The following INTS2 variants were observed in gnomAD, a reference collection of about 807,000 sequenced individuals.
The protein encoded by INTS2 is integrator complex subunit 2.
In INTS2, 57 loss-of-function variants were observed where a neutral mutation model predicts 139.6. The observed-to-expected ratio is 0.41, with a 90% CI of 0.33 to 0.51. The LOEUF is 0.51. Among genes scored for constraint, INTS2 ranks in the 20% least tolerant of loss-of-function variants. The pLI is 0.28. For missense variants in INTS2, 1,196 were observed against 1,436.7 expected (o/e 0.83, Z 2.71); for synonymous variants, 473 against 493.4 (o/e 0.96, Z 0.55).
In INTS2 at chr17:61,909,832, T is replaced by TAC. The variant is rs776580362; in HGVS notation, c.954+1687_954+1688insGT. Among the ~76,000 whole-genome samples, 499 of 87,230 alleles carry TAC rather than the reference T, an allele frequency of 5.7e-3. 3 individuals are homozygous for TAC. Among genetic ancestry groups the TAC allele is most frequent in the Middle Eastern group, 0.018 (3 of 164 alleles). 57.2% of individuals were successfully genotyped at this position (87,230 alleles called of 152,430 possible). ...GTGTGTACATGTGTGTATGTGTGTGTGTGTGTGTGTGTGTGTGTGTGTGTG... is the reference window on the plus strand; with the variant it reads ...GTGTGTACATGTGTGTATGTGTGTGTACGTGTGTGTGTGTGTGTGTGTGTGTG... On this transcript the variant is annotated intron_variant, in intron 7 of 24. Coordinates refer to ENST00000251334, the MANE Select transcript of INTS2 (RefSeq NM_001351695.2). The surrounding 1 kb of genome is among the most constrained non-coding windows in gnomAD (Gnocchi z 4.9).
chr17:61,886,732 T>C (rs1331750043), intron 15 of INTS2, among the ~76,000 whole-genome samples: 1 of 152,216 alleles, frequency 6.6e-6, no homozygotes, highest in Non-Finnish European at 1.5e-5. Context: ...CAGGAATATA[T>C]GAGAATCTCA....
intron 15 of INTS2, among the ~76,000 whole-genome samples, chr17:61,888,344 G>C (rs1441974232): frequency 6.6e-6 from 1 of 152,066 alleles, no homozygotes; most frequent in African/African-American, 2.4e-5. Flanking sequence ...CTCCAGCCTG[G>C]GTGACAGAGT....
At chr17:61,898,006 G>T (rs1013056669) in intron 9 of INTS2, among the ~76,000 whole-genome samples, 5 of 152,042 alleles carry the variant, frequency 3.3e-5, no homozygotes, top group Admixed American at 3.3e-4. Context: ...GAAAGAGTAA[G>T]ATTCTTCACA....
At chr17:61,908,996 T>C (rs928727789) in intron 7 of INTS2, among the ~76,000 whole-genome samples, 1 of 152,196 alleles carries the variant, frequency 6.6e-6, no homozygotes, top group Non-Finnish European at 1.5e-5. Context: ...ACATAGTTAA[T>C]ATAAATTAGT....
In INTS2 at chr17:61,869,336, T is replaced by C. The variant is rs756766570; in HGVS notation, c.3075A>G (p.Pro1025=). 5.6e-6 allele frequency: 9 copies of C among 1,607,968 alleles called. No homozygotes were observed. In the East Asian group the frequency reaches 1.6e-4, roughly 28 times the overall value. The change falls in exon 22 of 25, where the codon CCA becomes CCG. Residue 1025 remains proline, a synonymous_variant. Transcript: ENST00000251334. This position sits in a 1 kb window ranked among gnomAD's most constrained non-coding sequence, Gnocchi z 5.4. ...ELLPLTVAGI[P]SMHICLDFIP... ...TGAAATCTAGACAGATGTGCATAGA[T>C]GGAATACCTGCGACCGTCAGAGGCA... is the stretch of plus-strand genomic sequence containing the variant.
intron 8 of INTS2, 122 bp from the exon 9 acceptor site, chr17:61,904,707 C>T: frequency 2.4e-6 from 2 of 819,240 alleles, no homozygotes; most frequent in Non-Finnish European, 3.7e-6. Context: ...TTTATAAAAT[C>T]TTTAACATCT....
In INTS2 at chr17:61,867,288, A is replaced by T. The variant is rs183018768; in HGVS notation, c.*269T>A. ...AGGCCAAATTCCCTTTCCAATAATG[A>T]GTTTCTTACATGTGTTCCCAGTGGA... On this transcript the variant is annotated 3_prime_UTR_variant, in exon 25 of 25. Transcript: ENST00000251334. This position sits in a 1 kb window ranked among gnomAD's most constrained non-coding sequence, Gnocchi z 5.6. 9.0e-6 allele frequency: 2 copies of T among 221,308 alleles called. No homozygotes were observed. Among genetic ancestry groups the T allele is most frequent in the Admixed American group, 1.1e-4 (2 of 17,930 alleles). The allele number at this position is 221,308 out of a possible 1,614,324, so 13.7% of individuals were successfully genotyped here.
chr17:61,883,501 C>G (rs1444235629), intron 16 of INTS2, among the ~76,000 whole-genome samples: 1 of 151,806 alleles, frequency 6.6e-6, no homozygotes. Flanking sequence ...CGCCTGTAAT[C>G]CTAGCACTTT....
chr17:61,898,648 T>C (rs2079373833), intron 9 of INTS2, among the ~76,000 whole-genome samples: 1 of 149,918 alleles, frequency 6.7e-6, no homozygotes, highest in African/African-American at 2.5e-5. Context: ...AGTTTCACTC[T>C]CGTTGCTCAG....
At chr17:61,918,274 ACT>A (rs1426423197) in intron 5 of INTS2, among the ~76,000 whole-genome samples, 2 of 152,130 alleles carry the variant, frequency 1.3e-5, no homozygotes, top group Non-Finnish European at 2.9e-5. Flanking sequence ...ACAGAGTCTC[ACT>A]CTGTTGCCCA....
intron 14 of INTS2, 112 bp from the exon 15 acceptor site, chr17:61,890,006 C>G: frequency 1.5e-6 from 1 of 653,402 alleles, no homozygotes; most frequent in Non-Finnish European, 2.7e-6. Context: ...GCTCCTAACT[C>G]AGGTAAAACA....
intron 3 of INTS2, among the ~76,000 whole-genome samples, chr17:61,923,070 C>G (rs1021838667): frequency 6.6e-6 from 1 of 151,716 alleles, no homozygotes; most frequent in Non-Finnish European, 1.5e-5. Flanking sequence ...GAGCGAAACT[C>G]TGTCTCAAAA....
chr17:61,903,160 C>T (rs1353742000), intron 9 of INTS2, among the ~76,000 whole-genome samples: 2 of 144,078 alleles, frequency 1.4e-5, no homozygotes, highest in Non-Finnish European at 3.0e-5. Context: ...AAGCTAGACT[C>T]CGTCTCAAAA....
At position 61,866,101 on chromosome 17, in the gene INTS2, AC is replaced by A. The variant is rs1393203949; in HGVS notation, c.*1455del. ...GCGGTCTGGCCAGGTGCGGTGGCTC[AC>A]ACCTGTAATCCCAGCACTTTGGGAG... On this transcript the variant is annotated 3_prime_UTR_variant, in exon 25 of 25. Coordinates refer to ENST00000251334, the MANE Select transcript of INTS2 (RefSeq NM_001351695.2). The A allele has an allele frequency of 1.3e-5, 2 of 152,302 alleles. No individual in the cohort carries two copies. 9.4% of individuals were successfully genotyped at this position (152,302 alleles called of 1,614,324 possible).
chr17:61,922,824 T>A (rs938656288), intron 3 of INTS2, among the ~76,000 whole-genome samples: 1 of 152,000 alleles, frequency 6.6e-6, no homozygotes. Context: ...ATGCCTGTAA[T>A]CTCAGAACTT....
intron 15 of INTS2, among the ~76,000 whole-genome samples, chr17:61,888,277 G>A (rs1038855128): frequency 2.7e-5 from 4 of 149,240 alleles, no homozygotes; most frequent in African/African-American, 9.9e-5. Context: ...GGCTGAGGCA[G>A]GGATCCCTTG....
Position 61,881,076 on chromosome 17 carries a change from C to T in INTS2, c.2185G>A (p.Asp729Asn), listed in dbSNP as rs984555665. 1.2e-6 allele frequency: 2 copies of T among 1,613,638 alleles called. No homozygotes were observed. The highest frequency in any genetic ancestry group is 1.1e-5 in the South Asian group (1 of 91,084). ...WICEEEITGT[D>N]ALLRRMLLTN... is the part of the protein sequence containing the mutation. ...AGGAGCATTCGCCGTAGCAGGGCAT[C>T]AGTCCCTGTGATTTCTTCTTCACAA... Residue 729 changes from aspartate (D) to asparagine (N), a missense_variant, in exon 17 of 25, where the codon GAT becomes AAT. By Grantham distance (23) the Asp-to-Asn change is conservative. Around this residue, in one of 3 missense-constraint regions of INTS2, gnomAD observed 1,129 missense variants for 1,341.9 expected, o/e 0.84. Transcript: ENST00000251334.
At position 61,927,906 on chromosome 17, in the gene INTS2, G is replaced by C. The variant is rs1445356373; in HGVS notation, c.-271C>G. ...ACCGGGACTGTAGGAACGGAAAAGC[G>C]GGAGACTTTTTCAACCTGCACCCAG... On this transcript the variant is annotated 5_prime_UTR_variant, in exon 1 of 25. Transcript: ENST00000251334. The C allele has an allele frequency of 6.2e-7, 1 of 1,613,934 alleles. No homozygotes were observed. The highest frequency in any genetic ancestry group is 1.1e-5 in the South Asian group (1 of 91,072).
chr17:61,890,983 CAAAAAAAAAAAAAAA>C (rs753902456), intron 14 of INTS2, among the ~76,000 whole-genome samples: 451 of 11,342 alleles, frequency 0.04, 7 homozygotes, highest in African/African-American at 0.14. Flanking sequence ...ACTCCAGTCT[CAAAAAAAAAAAAAAA>C]AAAAAAAAAA....
Sources: allele counts gnomAD v4.1 joint callset (sites outside exome capture counted in the v4.1 genomes callset), GRCh38; gene constraint gnomAD v4.1.1; regional missense constraint gnomAD v4.1.1; non-coding constraint Gnocchi (gnomAD v3.1); transcripts MANE v1.5; gene names NCBI Gene and HGNC (gene_info 2026-07-23, HGNC 2026-07-21).